FOXO3: variants seen among roughly 807,000 people sequenced by gnomAD.
The protein encoded by FOXO3 is forkhead box protein O3.
In FOXO3, 4 loss-of-function variants were observed where a neutral mutation model predicts 41.9. The observed-to-expected ratio is 0.10, with a 90% CI of 0.05 to 0.22. The LOEUF (loss-of-function observed/expected upper bound fraction) is 0.22, where lower values mean the gene tolerates loss of function less well. Ranked by LOEUF, FOXO3 falls within the 10% of genes least tolerant of loss-of-function variation. The pLI, the probability that FOXO3 is intolerant of heterozygous loss-of-function variation, is 1.00. For missense variants in FOXO3, 534 were observed against 906.8 expected, an observed-to-expected ratio of 0.59 and a Z score of 5.28; for synonymous variants, 318 against 389.3, an observed-to-expected ratio of 0.82 and a Z score of 2.16.
At chr6:108,602,630 T>A (rs563765878) in intron 1 of FOXO3, among the ~76,000 whole-genome samples, 88 of 152,070 alleles carry the variant, frequency 5.8e-4, no homozygotes, top group African/African-American at 2.1e-3. Context: ...AAGTGTGCTG[T>A]CATAAGCAAT....
At chr6:108,656,159 G>T (rs562430286) in intron 1 of FOXO3, among the ~76,000 whole-genome samples, 1 of 151,582 alleles carries the variant, frequency 6.6e-6, no homozygotes, top group Admixed American at 6.6e-5. Context: ...GAGAGGAGGG[G>T]GTTGTCTTTA....
intron 1 of FOXO3, among the ~76,000 whole-genome samples, chr6:108,613,499 T>C (rs1777416780): frequency 6.6e-6 from 1 of 152,304 alleles, no homozygotes; most frequent in African/African-American, 2.4e-5. Context: ...TTATTTAAGT[T>C]GTCTAATTTA....
chr6:108,588,061 A>G (rs1230531687), intron 1 of FOXO3, among the ~76,000 whole-genome samples: 1 of 151,978 alleles, frequency 6.6e-6, no homozygotes, highest in Non-Finnish European at 1.5e-5. Context: ...TCTAAAAATG[A>G]ACATAATTTC....
chr6:108,676,400 T>A (rs1770590169), intron 2 of FOXO3, among the ~76,000 whole-genome samples: 2 of 152,188 alleles, frequency 1.3e-5, no homozygotes, highest in Non-Finnish European at 2.9e-5. Flanking sequence ...GACCGGGTTA[T>A]GAGACTAGTT....
intron 1 of FOXO3, among the ~76,000 whole-genome samples, chr6:108,582,118 C>A (rs142871479): frequency 6.6e-6 from 1 of 152,158 alleles, no homozygotes; most frequent in African/African-American, 2.4e-5. Flanking sequence ...ACGTATTTTT[C>A]CTGCACTCCT....
chr6:108,670,016 T>C (rs1779171034), intron 2 of FOXO3, among the ~76,000 whole-genome samples: 1 of 152,254 alleles, frequency 6.6e-6, no homozygotes, highest in African/African-American at 2.4e-5. Context: ...CAACATTTTC[T>C]ATCAGTAGAG....
intron 1 of FOXO3, among the ~76,000 whole-genome samples, chr6:108,588,905 A>G (rs1260815332): frequency 6.6e-6 from 1 of 152,250 alleles, no homozygotes; most frequent in African/African-American, 2.4e-5. Context: ...GAATATGGAA[A>G]GGCTTGAAGG....
intron 1 of FOXO3, among the ~76,000 whole-genome samples, chr6:108,599,688 A>G (rs531967655): frequency 2.0e-4 from 30 of 152,320 alleles, no homozygotes; most frequent in Non-Finnish European, 3.5e-4. Context: ...GTTATTAAAA[A>G]TCTGCCTCAC....
chr6:108,573,124 A>G (rs949403175), intron 1 of FOXO3, among the ~76,000 whole-genome samples: 12 of 152,020 alleles, frequency 7.9e-5, no homozygotes, highest in Admixed American at 7.2e-4. Context: ...ATCTCTACTA[A>G]AAATACAAAA....
intron 1 of FOXO3, among the ~76,000 whole-genome samples, chr6:108,577,294 C>T (rs1430814456): frequency 2.0e-5 from 3 of 152,110 alleles, no homozygotes; most frequent in South Asian, 2.1e-4. Flanking sequence ...CTTCCTTGAT[C>T]GTCTAGCCAT....
intron 1 of FOXO3, among the ~76,000 whole-genome samples, chr6:108,595,094 C>G (rs1407477711): frequency 2.0e-5 from 3 of 152,136 alleles, no homozygotes; most frequent in African/African-American, 7.2e-5. Context: ...ATTTTTCCCT[C>G]CCAGGTGTGA....
chr6:108,580,234 G>A (rs1201821192), intron 1 of FOXO3, among the ~76,000 whole-genome samples: 1 of 139,380 alleles, frequency 7.2e-6, no homozygotes, highest in African/African-American at 2.7e-5. Flanking sequence ...TGTTGCCCAG[G>A]CTGGAGTGCA....
chr6:108,604,823 G>A (rs975916790), intron 1 of FOXO3, among the ~76,000 whole-genome samples: 2 of 152,052 alleles, frequency 1.3e-5, no homozygotes, highest in South Asian at 2.1e-4. Flanking sequence ...ATGCCTTCAC[G>A]TGGGGCATCT....
chr6:108,626,346 A>G (rs995911487), intron 1 of FOXO3, among the ~76,000 whole-genome samples: 1 of 152,210 alleles, frequency 6.6e-6, no homozygotes, highest in African/African-American at 2.4e-5. Flanking sequence ...TTGCCAGCCC[A>G]GATACCTATG....
chr6:108,677,975 A>C (rs1163199389), intron 2 of FOXO3, among the ~76,000 whole-genome samples: 1 of 152,216 alleles, frequency 6.6e-6, no homozygotes, highest in African/African-American at 2.4e-5. Flanking sequence ...ACCTAGGGAT[A>C]GACAGGAAGA....
At chr6:108,677,442 C>G (rs2128392773) in intron 2 of FOXO3, among the ~76,000 whole-genome samples, 1 of 152,234 alleles carries the variant, frequency 6.6e-6, no homozygotes, top group Non-Finnish European at 1.5e-5. Context: ...CTGTGTTGGC[C>G]CAGCCCACAT....
chr6:108,563,571 G>C lies in FOXO3; in HGVS notation c.621+1742G>C, dbSNP rs192266330. Among the ~76,000 whole-genome samples the C allele has an allele frequency of 4.6e-5, 7 of 152,318 alleles. No homozygotes were observed. The East Asian group carries it at 9.6e-4, about 21-fold the overall frequency. ...GAACATGGATTTGGGGGTTCGAAAT[G>C]TTTTTCAGATTTCTCTCACTTGAAA... On this transcript the variant is annotated intron_variant, in intron 1 of 2. Transcript: ENST00000406360.
intron 1 of FOXO3, among the ~76,000 whole-genome samples, chr6:108,569,335 C>T (rs1776027014): frequency 6.6e-6 from 1 of 152,206 alleles, no homozygotes; most frequent in Non-Finnish European, 1.5e-5. Context: ...TATCTTTCAC[C>T]ATTTTATTCC....
intron 1 of FOXO3, among the ~76,000 whole-genome samples, chr6:108,570,126 A>G (rs1776059675): frequency 6.7e-6 from 1 of 149,160 alleles, no homozygotes; most frequent in Non-Finnish European, 1.5e-5. Context: ...CAGCCTCCCA[A>G]GTAGCTGGGA....
Sources: gnomAD v4.1 joint callset for allele counts (sites outside exome capture counted in the v4.1 genomes callset) on GRCh38, gnomAD v4.1.1 for gene constraint, MANE v1.5 for transcripts, NCBI Gene and HGNC (gene_info 2026-07-23, HGNC 2026-07-21) for gene names.